TMEM132D: variants seen among roughly 807,000 people sequenced by gnomAD.
TMEM132D encodes the protein mature OL transmembrane protein.
Under a neutral mutation model 62.3 loss-of-function variants are expected in TMEM132D, and 21 were observed. The ratio of observed to expected loss-of-function variants is 0.34; its 90% CI spans 0.24 to 0.49. The LOEUF is 0.49. Ranked by LOEUF, TMEM132D falls within the 20% of genes least tolerant of loss-of-function variation. The pLI is 0.99. For synonymous variants in TMEM132D, 621 were observed against 575.6 expected (o/e 1.08, Z -1.13); for missense variants, 1,346 against 1,402.8 (o/e 0.96, Z 0.65).
At chr12:129,606,375 T>C (rs1878625543) in intron 2 of TMEM132D, among the ~76,000 whole-genome samples, 1 of 152,170 alleles carries the variant, frequency 6.6e-6, no homozygotes, top group Non-Finnish European at 1.5e-5. Context: ...CATATGTATG[T>C]AGGTAGAGAG....
chr12:129,268,755 C>A (rs1296261335), intron 4 of TMEM132D, among the ~76,000 whole-genome samples: 1 of 151,994 alleles, frequency 6.6e-6, no homozygotes, highest in Admixed American at 6.6e-5. Context: ...ATAGCAATGA[C>A]TTGGAAGCAA....
chr12:129,402,646 C>T (rs1362356521), intron 3 of TMEM132D, among the ~76,000 whole-genome samples: 4 of 152,214 alleles, frequency 2.6e-5, no homozygotes, highest in African/African-American at 9.6e-5. Flanking sequence ...TCAGAGCTCA[C>T]TGCAGCCTCA....
At chr12:129,409,915 A>G (rs755786281) in intron 3 of TMEM132D, among the ~76,000 whole-genome samples, 8 of 152,118 alleles carry the variant, frequency 5.3e-5, no homozygotes, top group Non-Finnish European at 1.0e-4. Context: ...CTTGATGGGG[A>G]CTATGAGTTA....
intron 1 of TMEM132D, among the ~76,000 whole-genome samples, chr12:129,887,959 A>T (rs933521519): frequency 2.0e-5 from 3 of 152,180 alleles, no homozygotes; most frequent in Non-Finnish European, 2.9e-5. Flanking sequence ...ATTTTTTTTT[A>T]ACACAGCTGT....
At chr12:129,541,144 G>A (rs1174168035) in intron 2 of TMEM132D, among the ~76,000 whole-genome samples, 1 of 152,108 alleles carries the variant, frequency 6.6e-6, no homozygotes, top group Non-Finnish European at 1.5e-5. Context: ...TGTAAGGAGC[G>A]GCTACTTAGA....
intron 1 of TMEM132D, among the ~76,000 whole-genome samples, chr12:129,739,763 C>T (rs906288858): frequency 4.6e-5 from 7 of 152,186 alleles, no homozygotes; most frequent in East Asian, 1.9e-4. Context: ...CAGTGGGAGG[C>T]GCTGGCAGGA....
intron 5 of TMEM132D, among the ~76,000 whole-genome samples, chr12:129,096,311 C>A (rs546554157): frequency 6.6e-6 from 1 of 151,968 alleles, no homozygotes; most frequent in Non-Finnish European, 1.5e-5. Context: ...ACAGTGGGAT[C>A]GTGAGGTCTC....
At chr12:129,082,384 T>G (rs73414623) in intron 6 of TMEM132D, among the ~76,000 whole-genome samples, 8,525 of 152,288 alleles carry the variant, frequency 0.056, 826 homozygotes, top group African/African-American at 0.19. Context: ...GTCACTTTCC[T>G]GGCTAGACTT....
chr12:129,739,042 G>A (rs760656762), intron 1 of TMEM132D, among the ~76,000 whole-genome samples: 2 of 152,086 alleles, frequency 1.3e-5, no homozygotes, highest in African/African-American at 2.4e-5. Flanking sequence ...TTAAGAAGAC[G>A]ACAAAAGCTC....
At chr12:129,800,049 T>A (rs913003550) in intron 1 of TMEM132D, among the ~76,000 whole-genome samples, 1 of 152,176 alleles carries the variant, frequency 6.6e-6, no homozygotes, top group Non-Finnish European at 1.5e-5. Context: ...TCCTTGATCA[T>A]CGAATCCTAA....
At chr12:129,361,218 C>T (rs542953561) in intron 3 of TMEM132D, among the ~76,000 whole-genome samples, 1 of 152,284 alleles carries the variant, frequency 6.6e-6, no homozygotes, top group East Asian at 1.9e-4. Flanking sequence ...CACAGGTGAG[C>T]TTGCATGGAC....
At chr12:129,519,814 G>A (rs1210974957) in intron 3 of TMEM132D, among the ~76,000 whole-genome samples, 1 of 151,884 alleles carries the variant, frequency 6.6e-6, no homozygotes, top group Non-Finnish European at 1.5e-5. Flanking sequence ...TTACCATGTT[G>A]GCCAGGCTGG....
At chr12:129,455,660 G>A (rs940456108) in intron 3 of TMEM132D, among the ~76,000 whole-genome samples, 2 of 152,188 alleles carry the variant, frequency 1.3e-5, no homozygotes, top group Non-Finnish European at 2.9e-5. Flanking sequence ...GGGGACTGTA[G>A]ACAGGATTTA....
Position 129,081,704 on chromosome 12 carries a change from C to G in TMEM132D, c.1923+55G>C, listed in dbSNP as rs1054778460. ...CAGCTGGTTTCTCCTCTAGGTAGAG[C>G]AGAGGTGGGAAGACAGAGAGATCTT... is the stretch of plus-strand genomic sequence containing the variant. On this transcript the variant is annotated intron_variant, in intron 7 of 8. Coordinates refer to ENST00000422113, the MANE Select transcript of TMEM132D (RefSeq NM_133448.3). 8.5e-6 allele frequency: 13 copies of G among 1,523,664 alleles called. No individual in the cohort carries two copies. The African/African-American group carries it at 1.8e-4, about 21-fold the overall frequency. The allele number at this position is 1,523,664 out of a possible 1,614,324, so 94.4% of individuals were successfully genotyped here.
At chr12:129,433,811 G>A (rs578167002) in intron 3 of TMEM132D, among the ~76,000 whole-genome samples, 215 of 152,318 alleles carry the variant, frequency 1.4e-3, no homozygotes, top group African/African-American at 4.9e-3. Context: ...CGGAGATGGA[G>A]TTCCCTAGTC....
At chr12:129,721,768 G>C (rs1290676951) in intron 1 of TMEM132D, among the ~76,000 whole-genome samples, 1 of 152,122 alleles carries the variant, frequency 6.6e-6, no homozygotes, top group Non-Finnish European at 1.5e-5. Context: ...ATCACCCATG[G>C]GCCTAATCCC....
intron 4 of TMEM132D, among the ~76,000 whole-genome samples, chr12:129,321,019 A>G (rs1201193829): frequency 1.3e-5 from 2 of 150,208 alleles, no homozygotes; most frequent in Admixed American, 1.3e-4. Context: ...CTCTGTATAC[A>G]TAACATTTAT....
intron 5 of TMEM132D, among the ~76,000 whole-genome samples, chr12:129,172,451 A>G (rs376026887): frequency 7.8e-4 from 119 of 152,368 alleles, no homozygotes; most frequent in African/African-American, 2.6e-3. Flanking sequence ...CGAGAGGCCT[A>G]GCTTTTGGCC....
intron 4 of TMEM132D, among the ~76,000 whole-genome samples, chr12:129,280,431 T>C (rs528094340): frequency 6.6e-6 from 1 of 152,344 alleles, no homozygotes; most frequent in South Asian, 2.1e-4. Flanking sequence ...TTACACATAG[T>C]GTTTGCAGTG....
Sources: gnomAD v4.1 joint callset for allele counts (sites outside exome capture counted in the v4.1 genomes callset) on GRCh38, gnomAD v4.1.1 for gene constraint, MANE v1.5 for transcripts, NCBI Gene and HGNC (gene_info 2026-07-23, HGNC 2026-07-21) for gene names.